NHSL1: variants seen among roughly 807,000 people sequenced by gnomAD.
NHSL1 encodes the protein NHS like 1.
Under a neutral mutation model 95.0 loss-of-function variants are expected in NHSL1, and 48 were observed. That is an observed-to-expected ratio of 0.51 (90% CI 0.40 to 0.64). The LOEUF is 0.64. Among genes scored for constraint, NHSL1 ranks in the 30% least tolerant of loss-of-function variants. The probability of loss-of-function intolerance (pLI) is 0.00; values close to 1 mark genes in which losing one functional copy is unlikely to be tolerated. For missense variants in NHSL1, 1,971 were observed against 2,077.7 expected (o/e 0.95, Z 1.00); for synonymous variants, 783 against 833.9 (o/e 0.94, Z 1.05).
intron 2 of NHSL1, among the ~76,000 whole-genome samples, chr6:138,494,888 T>C (rs1301275285): frequency 6.6e-6 from 1 of 152,224 alleles, no homozygotes; most frequent in African/African-American, 2.4e-5. Flanking sequence ...TTTGAAGAAC[T>C]ACTTTCCTTC....
chr6:138,545,313 T>C (rs1782747921), intron 1 of NHSL1, among the ~76,000 whole-genome samples: 1 of 152,174 alleles, frequency 6.6e-6, no homozygotes, highest in Non-Finnish European at 1.5e-5. Context: ...TATTCCTATA[T>C]TTATTGAGTT....
intron 1 of NHSL1, among the ~76,000 whole-genome samples, chr6:138,614,863 G>T (rs1474890513): frequency 6.6e-6 from 1 of 152,182 alleles, no homozygotes; most frequent in African/African-American, 2.4e-5. Flanking sequence ...CTTCTTATGA[G>T]AATCTAATGC....
intron 3 of NHSL1, among the ~76,000 whole-genome samples, chr6:138,467,290 C>T (rs1204349096): frequency 2.0e-5 from 3 of 152,068 alleles, no homozygotes; most frequent in African/African-American, 7.2e-5. Flanking sequence ...GTAGCTGGGA[C>T]CGCAGGTGCC....
At chr6:138,570,010 C>G (rs559614211) in intron 1 of NHSL1, among the ~76,000 whole-genome samples, 113 of 152,304 alleles carry the variant, frequency 7.4e-4, no homozygotes, top group African/African-American at 2.5e-3. Flanking sequence ...CAAGTCCTCC[C>G]TTCACAAGTT....
intron 1 of NHSL1, among the ~76,000 whole-genome samples, chr6:138,506,340 AAC>A (rs1026804660): frequency 6.6e-6 from 1 of 152,246 alleles, no homozygotes; most frequent in Non-Finnish European, 1.5e-5. Flanking sequence ...CTAGCAAAAT[AAC>A]AGTTTTGAAT....
At chr6:138,524,590 C>T (rs1167190287) in intron 1 of NHSL1, among the ~76,000 whole-genome samples, 3 of 152,006 alleles carry the variant, frequency 2.0e-5, no homozygotes, top group Non-Finnish European at 4.4e-5. Context: ...TATTAATGGA[C>T]ATTTAGTGTT....
At chr6:138,684,365 C>A (rs996044550) in intron 1 of NHSL1, among the ~76,000 whole-genome samples, 2 of 152,020 alleles carry the variant, frequency 1.3e-5, no homozygotes, top group Non-Finnish European at 2.9e-5. Flanking sequence ...AAGGGGGAGG[C>A]CTGTGGGCGC....
chr6:138,501,537 A>G (rs1301390927), upstream of NHSL1, among the ~76,000 whole-genome samples: 2 of 152,200 alleles, frequency 1.3e-5, no homozygotes, highest in East Asian at 3.9e-4. Context: ...AAGAAAACAA[A>G]ACTGTGTAAT....
rs1780554506 is a variant in NHSL1, at chr6:138,499,435, A to T, written c.-145T>A. The T allele has an allele frequency of 1.8e-5, 25 of 1,425,152 alleles. No homozygotes were observed. Among genetic ancestry groups the T allele is most frequent in the Non-Finnish European group, 2.2e-5 (24 of 1,082,824 alleles). 88.3% of individuals were successfully genotyped at this position (1,425,152 alleles called of 1,614,324 possible). A position where few individuals can be genotyped will look rare whatever the true frequency, so the allele number is the denominator to read the frequency against. On this transcript the variant is annotated 5_prime_UTR_variant, in exon 1 of 8. Coordinates refer to ENST00000343505, the MANE Select transcript of NHSL1 (RefSeq NM_001144060.2). ...TATCCTTAGACATCTGCCCAGGCTGATGTAACTGAGGTTGAGTTTATTGTC... is the reference window on the plus strand; with the variant it reads ...TATCCTTAGACATCTGCCCAGGCTGTTGTAACTGAGGTTGAGTTTATTGTC...
intron 1 of NHSL1, among the ~76,000 whole-genome samples, chr6:138,507,825 GA>G (rs143015651): frequency 0.049 from 7,450 of 152,168 alleles, 214 homozygotes; most frequent in African/African-American, 0.078. Context: ...CTGAAAAAAA[GA>G]CAAATGGAAA....
chr6:138,645,958 G>A (rs1434423458), intron 1 of NHSL1, among the ~76,000 whole-genome samples: 1 of 152,130 alleles, frequency 6.6e-6, no homozygotes, highest in Admixed American at 6.6e-5. Flanking sequence ...ATGAGTGTAT[G>A]ATATAATCAG....
chr6:138,649,125 GGTGA>G (rs1785055748), intron 1 of NHSL1, among the ~76,000 whole-genome samples: 1 of 152,056 alleles, frequency 6.6e-6, no homozygotes, highest in South Asian at 2.1e-4. Context: ...CCACCATTAG[GGTGA>G]GTGTCAGGCT....
At chr6:138,499,134 GACACACACAC>G (rs55946895) in intron 1 of NHSL1, 89 bp downstream of exon 1, 112 of 629,970 alleles carry the variant, frequency 1.8e-4, no homozygotes, top group African/African-American at 1.7e-3. Flanking sequence ...CACACACATG[GACACACACAC>G]ACACACACAC....
intron 2 of NHSL1, among the ~76,000 whole-genome samples, chr6:138,490,843 A>G (rs997603698): frequency 6.6e-6 from 1 of 152,198 alleles, no homozygotes; most frequent in African/African-American, 2.4e-5. Context: ...CATGTTGGCC[A>G]GGATGGTATC....
At chr6:138,490,664 C>T (rs1388989548) in intron 2 of NHSL1, among the ~76,000 whole-genome samples, 2 of 151,998 alleles carry the variant, frequency 1.3e-5, no homozygotes, top group Non-Finnish European at 2.9e-5. Context: ...GAGACAGTCT[C>T]ACTCTGTCAC....
At position 138,692,046 on chromosome 6, in the gene NHSL1, G is replaced by T. The variant is rs1316985543; in HGVS notation, c.96+430C>A. 2.2e-6 allele frequency: 1 copy of T among 456,696 alleles called. No individual in the cohort carries two copies. Among genetic ancestry groups the T allele is most frequent in the Admixed American group, 2.3e-5 (1 of 42,582 alleles). The allele number at this position is 456,696 out of a possible 1,614,324, so 28.3% of individuals were successfully genotyped here. On this transcript the variant is annotated intron_variant, in intron 1 of 3. Coordinates refer to the NHSL1 transcript ENST00000491526. This position sits in a 1 kb window ranked among gnomAD's most constrained non-coding sequence, Gnocchi z 4.0. ...CAGGGTTTTACAAACGGATCGTCCTGAAGTCTCCAAAACTGTAACTACTAT... is the reference window on the plus strand; with the variant it reads ...CAGGGTTTTACAAACGGATCGTCCTTAAGTCTCCAAAACTGTAACTACTAT...
intron 1 of NHSL1, among the ~76,000 whole-genome samples, chr6:138,638,333 A>G (rs1022721938): frequency 2.0e-5 from 3 of 152,200 alleles, no homozygotes; most frequent in African/African-American, 7.2e-5. Context: ...AAACTAAAAG[A>G]GTATAATTGG....
At chr6:138,489,245 AC>A (rs1317621262) in intron 2 of NHSL1, among the ~76,000 whole-genome samples, 1 of 152,182 alleles carries the variant, frequency 6.6e-6, no homozygotes, top group Non-Finnish European at 1.5e-5. Context: ...TATAACTTCC[AC>A]ATTGAGGGGC....
At chr6:138,596,368 G>A (rs1784303162) in intron 1 of NHSL1, among the ~76,000 whole-genome samples, 1 of 152,144 alleles carries the variant, frequency 6.6e-6, no homozygotes, top group Admixed American at 6.5e-5. Flanking sequence ...AAACTACAAT[G>A]GGAGGCCTCC....
Sources: allele counts gnomAD v4.1 joint callset (sites outside exome capture counted in the v4.1 genomes callset), GRCh38; gene constraint gnomAD v4.1.1; non-coding constraint Gnocchi (gnomAD v3.1); transcripts MANE v1.5; gene names NCBI Gene and HGNC (gene_info 2026-07-23, HGNC 2026-07-21).